THSD7A: variants seen among roughly 807,000 people sequenced by gnomAD.
The protein encoded by THSD7A is thrombospondin type-1 domain-containing protein 7A.
A neutral mutation model predicts 231.3 loss-of-function variants in THSD7A; 96 were observed. The ratio of observed to expected loss-of-function variants is 0.41; its 90% CI spans 0.35 to 0.49. The LOEUF is 0.49. Among genes scored for constraint, THSD7A ranks in the 20% least tolerant of loss-of-function variants. The pLI, the probability that THSD7A is intolerant of heterozygous loss-of-function variation, is 0.05. For missense variants in THSD7A, 2,290 were observed against 2,070.2 expected, an observed-to-expected ratio of 1.11 and a Z score of -2.06; for synonymous variants, 940 against 743.3, an observed-to-expected ratio of 1.26 and a Z score of -4.30.
At chr7:11,630,365 T>C (rs1441143015) in intron 2 of THSD7A, among the ~76,000 whole-genome samples, 1 of 152,226 alleles carries the variant, frequency 6.6e-6, no homozygotes, top group African/African-American at 2.4e-5. Flanking sequence ...CATTACTCTC[T>C]GAAATGCTAA....
chr7:11,791,887 A>G (rs926568583), intron 1 of THSD7A, among the ~76,000 whole-genome samples: 39 of 151,852 alleles, frequency 2.6e-4, no homozygotes, highest in African/African-American at 6.8e-4. Flanking sequence ...CATTTGCTTT[A>G]GAAATTTTTG....
At chr7:11,617,149 TAC>T (rs1364619064) in intron 2 of THSD7A, among the ~76,000 whole-genome samples, 3 of 152,222 alleles carry the variant, frequency 2.0e-5, no homozygotes, top group Non-Finnish European at 2.9e-5. Context: ...TGGTCCATAG[TAC>T]TTTGGCCCCT....
chr7:11,547,090 T>C (rs548332662), intron 4 of THSD7A, among the ~76,000 whole-genome samples: 3 of 152,244 alleles, frequency 2.0e-5, no homozygotes, highest in Non-Finnish European at 4.4e-5. Flanking sequence ...CTCACTGGCA[T>C]CTCTGAAAGG....
chr7:11,809,999 C>T (rs1784489213), intron 1 of THSD7A, among the ~76,000 whole-genome samples: 1 of 151,948 alleles, frequency 6.6e-6, no homozygotes, highest in African/African-American at 2.4e-5. Context: ...AACTGAGGGA[C>T]ATGAAAAAGT....
chr7:11,573,171 A>G lies in THSD7A; in HGVS notation c.1453+17289T>C, dbSNP rs554353857. Among the ~76,000 whole-genome samples, 7 of 152,276 alleles carry G rather than the reference A, an allele frequency of 4.6e-5. No individual in the cohort carries two copies. In the East Asian group the frequency reaches 1.4e-3, roughly 29 times the overall value. ...CACTCTCACAGGGCTGGAGCTCAGC[A>G]TCACTCAGCACTGTGCTACCTATAC... On this transcript the variant is annotated intron_variant, in intron 4 of 27. Transcript: ENST00000423059.
chr7:11,828,720 C>CATAT (rs5882326), intron 1 of THSD7A, among the ~76,000 whole-genome samples: 1 of 151,442 alleles, frequency 6.6e-6, no homozygotes. Context: ...TAATAAAGCA[C>CATAT]ATAGATAGAT....
chr7:11,519,698 C>T (rs1007507575), intron 6 of THSD7A, among the ~76,000 whole-genome samples: 6 of 152,124 alleles, frequency 3.9e-5, no homozygotes, highest in African/African-American at 1.2e-4. Flanking sequence ...GGAAAAATAT[C>T]GTTCAAACAT....
chr7:11,729,969 C>T (rs949319348), intron 1 of THSD7A, among the ~76,000 whole-genome samples: 17 of 151,668 alleles, frequency 1.1e-4, no homozygotes, highest in Admixed American at 9.2e-4. Context: ...TTGACCTTAG[C>T]AAAGATAAAA....
intron 1 of THSD7A, among the ~76,000 whole-genome samples, chr7:11,825,743 T>C (rs922117253): frequency 2.0e-5 from 3 of 152,134 alleles, no homozygotes; most frequent in African/African-American, 4.8e-5. Context: ...ATAAAATAAC[T>C]TTTTAGGAAA....
intron 4 of THSD7A, among the ~76,000 whole-genome samples, chr7:11,580,200 G>C (rs1269191576): frequency 6.6e-6 from 1 of 152,114 alleles, no homozygotes; most frequent in African/African-American, 2.4e-5. Flanking sequence ...AGGACCTACA[G>C]AATTACAGCC....
chr7:11,573,123 T>G (rs1178853890), intron 4 of THSD7A, among the ~76,000 whole-genome samples: 1 of 152,184 alleles, frequency 6.6e-6, no homozygotes, highest in African/African-American at 2.4e-5. Context: ...TTCTGAGACC[T>G]GAGGTGCTCA....
chr7:11,609,780 T>G (rs981369116), intron 2 of THSD7A, among the ~76,000 whole-genome samples: 4 of 152,162 alleles, frequency 2.6e-5, no homozygotes, highest in African/African-American at 9.7e-5. Context: ...TTGGTGTGTG[T>G]GGGGTTATTA....
intron 1 of THSD7A, among the ~76,000 whole-genome samples, chr7:11,686,948 C>T (rs1780075941): frequency 6.6e-6 from 1 of 151,848 alleles, no homozygotes; most frequent in Non-Finnish European, 1.5e-5. Context: ...CAAACCTGCA[C>T]ATGTACCCTC....
chr7:11,636,028 G>A lies in THSD7A; in HGVS notation c.1022+102C>T. On this transcript the variant is annotated intron_variant, in intron 2 of 27. Coordinates refer to ENST00000423059, the MANE Select transcript of THSD7A (RefSeq NM_015204.3). This position sits in a 1 kb window ranked among gnomAD's most constrained non-coding sequence, Gnocchi z 10.0. ...TTGGGGGTAGCTCATCCTAGGTTGT[G>A]CCCCTACGTAATCCAGAAGTTATTA... The A allele has an allele frequency of 9.0e-7, 1 of 1,112,508 alleles. No individual in the cohort carries two copies. The highest frequency in any genetic ancestry group is 1.3e-6 in the Non-Finnish European group (1 of 783,204). The allele number at this position is 1,112,508 out of a possible 1,614,324, so 68.9% of individuals were successfully genotyped here. A position where few individuals can be genotyped will look rare whatever the true frequency, so the allele number is the denominator to read the frequency against.
chr7:11,648,599 T>C (rs986327063), intron 1 of THSD7A, among the ~76,000 whole-genome samples: 1 of 151,246 alleles, frequency 6.6e-6, no homozygotes, highest in African/African-American at 2.4e-5. Flanking sequence ...ATGCAATATC[T>C]ACTAGGACCC....
intron 1 of THSD7A, among the ~76,000 whole-genome samples, chr7:11,737,041 T>C (rs111820572): frequency 0.21 from 31,478 of 151,940 alleles, 4,485 homozygotes; most frequent in African/African-American, 0.4. Flanking sequence ...CCTTCTGCCA[T>C]GATTGTAAGT....
chr7:11,556,328 AC>A, intron 4 of THSD7A, among the ~76,000 whole-genome samples: 1 of 146,972 alleles, frequency 6.8e-6, no homozygotes, highest in East Asian at 2.0e-4. Flanking sequence ...TACAAGATAT[AC>A]TATATATATA....
chr7:11,665,342 G>C (rs976073113), intron 1 of THSD7A, among the ~76,000 whole-genome samples: 1 of 151,972 alleles, frequency 6.6e-6, no homozygotes, highest in South Asian at 2.1e-4. Context: ...CAGCTTTTCA[G>C]GCATATAAAT....
chr7:11,375,618 T>TG lies in THSD7A; in HGVS notation c.*175dup. The stretch of plus-strand genomic sequence containing the variant: ...TCACGGTTGATGGTCTGTATATAAG[T>TG]GGTACTGTCTTAAATATCTCCAGTG... On this transcript the variant is annotated 3_prime_UTR_variant, in exon 28 of 28. Coordinates refer to ENST00000423059, the MANE Select transcript of THSD7A (RefSeq NM_015204.3). 1 of 559,052 alleles carries TG rather than the reference T, an allele frequency of 1.8e-6. No homozygotes were observed. Among genetic ancestry groups the TG allele is most frequent in the Non-Finnish European group, 3.2e-6 (1 of 313,960 alleles). 34.6% of individuals were successfully genotyped at this position (559,052 alleles called of 1,614,324 possible).
Sources: allele counts gnomAD v4.1 joint callset (sites outside exome capture counted in the v4.1 genomes callset), GRCh38; gene constraint gnomAD v4.1.1; non-coding constraint Gnocchi (gnomAD v3.1); transcripts MANE v1.5; gene names NCBI Gene and HGNC (gene_info 2026-07-23, HGNC 2026-07-21).